PAPPA: variants seen among roughly 807,000 people sequenced by gnomAD.
The protein encoded by PAPPA is pappalysin-1.
PAPPA carries 60 observed loss-of-function variants against 164.0 expected under a neutral mutation model. The observed-to-expected ratio is 0.37, with a 90% CI of 0.30 to 0.45. The LOEUF (loss-of-function observed/expected upper bound fraction) is 0.45, where lower values mean the gene tolerates loss of function less well. Ranked by LOEUF, PAPPA falls within the 20% of genes least tolerant of loss-of-function variation. The pLI, the probability that PAPPA is intolerant of heterozygous loss-of-function variation, is 1.00. For synonymous variants in PAPPA, 875 were observed against 814.1 expected, an observed-to-expected ratio of 1.07 and a Z score of -1.27; for missense variants, 1,782 against 2,087.3, an observed-to-expected ratio of 0.85 and a Z score of 2.85.
chr9:116,309,620 G>C (rs1845690767), intron 10 of PAPPA, among the ~76,000 whole-genome samples: 1 of 152,142 alleles, frequency 6.6e-6, no homozygotes, highest in Non-Finnish European at 1.5e-5. Flanking sequence ...GGATAAGCTG[G>C]AGGACAGGAG....
At chr9:116,243,524 G>A (rs1844760431) in intron 7 of PAPPA, among the ~76,000 whole-genome samples, 1 of 152,162 alleles carries the variant, frequency 6.6e-6, no homozygotes, top group South Asian at 2.1e-4. Context: ...CCAGTTAATA[G>A]ATGCTAAAGC....
rs760086603 is a variant in PAPPA, at chr9:116,332,497, C to T, written c.3397+29C>T. 4.4e-6 allele frequency: 7 copies of T among 1,589,686 alleles called. No individual in the cohort carries two copies. The Admixed American group carries it at 5.0e-5, about 11-fold the overall frequency. On this transcript the variant is annotated intron_variant, in intron 12 of 21. Transcript: ENST00000328252. ...AGCATGCTCTCTTGGTCTTGGCTTG[C>T]TTTCAGTACCTGATTCCACCTCTGC...
chr9:116,161,948 G>A (rs544829952), intron 1 of PAPPA, among the ~76,000 whole-genome samples: 9 of 152,220 alleles, frequency 5.9e-5, no homozygotes, highest in South Asian at 4.2e-4. Flanking sequence ...TTGCAAATAC[G>A]GAGACCACCG....
chr9:116,321,283 TC>T (rs1238492503), intron 10 of PAPPA, among the ~76,000 whole-genome samples: 2 of 152,166 alleles, frequency 1.3e-5, no homozygotes, highest in African/African-American at 4.8e-5. Context: ...CGCCTCAGCC[TC>T]CCAAAGTGCT....
chr9:116,391,794 C>T (rs1302268107), intron 21 of PAPPA, among the ~76,000 whole-genome samples: 3 of 152,202 alleles, frequency 2.0e-5, no homozygotes, highest in African/African-American at 7.2e-5. Context: ...TGAGAATCCC[C>T]AAATGTAAAC....
chr9:116,381,442 A>G (rs925669216), intron 20 of PAPPA, among the ~76,000 whole-genome samples: 7 of 152,162 alleles, frequency 4.6e-5, no homozygotes, highest in African/African-American at 1.4e-4. Context: ...ACATAAACAG[A>G]CCACAGAATA....
At chr9:116,333,253 C>T (rs1237921143) in intron 12 of PAPPA, among the ~76,000 whole-genome samples, 2 of 152,214 alleles carry the variant, frequency 1.3e-5, no homozygotes, top group Non-Finnish European at 2.9e-5. Context: ...TAGAGGCTCA[C>T]TTGCTTCACA....
At position 116,188,057 on chromosome 9, in the gene PAPPA, G is replaced by A; in HGVS notation, c.1319G>A (p.Cys440Tyr). The A allele has an allele frequency of 6.2e-7, 1 of 1,614,164 alleles. No individual in the cohort carries two copies. The highest frequency in any genetic ancestry group is 8.5e-7 in the Non-Finnish European group (1 of 1,180,024). Residue 440 changes from cysteine (C) to tyrosine (Y), a missense_variant, in exon 2 of 22, where the codon TGC becomes TAC. Transcript: ENST00000328252. ...HTLTGHDGGD[C>Y]RHLRHPAFVK... The stretch of plus-strand genomic sequence containing the variant: ...CTGACGGGCCACGACGGCGGGGATT[G>A]CCGCCACCTGCGCCACCCTGCCTTC...
Position 116,220,958 on chromosome 9 carries a change from T to A in PAPPA, c.2111+829T>A, listed in dbSNP as rs188583038. Among the ~76,000 whole-genome samples the A allele has an allele frequency of 8.0e-3, 1,116 of 140,176 alleles. 18 individuals are homozygous for A. The highest frequency in any genetic ancestry group is 0.028 in the African/African-American group (1,057 of 37,550). The allele number at this position is 140,176 out of a possible 152,430, so 92.0% of individuals were successfully genotyped here. ...AATTTTTGCACCAAATGTTTTTTTTTTTTATTTTGTAGAACTAAAGGTAGC... is the reference window on the plus strand; with the variant it reads ...AATTTTTGCACCAAATGTTTTTTTTATTTATTTTGTAGAACTAAAGGTAGC... On this transcript the variant is annotated intron_variant, in intron 5 of 21. Transcript: ENST00000328252.
At chr9:116,307,076 G>A (rs1845655896) in intron 10 of PAPPA, among the ~76,000 whole-genome samples, 1 of 152,188 alleles carries the variant, frequency 6.6e-6, no homozygotes. Flanking sequence ...GGAGTGCCTT[G>A]TGATATAAGA....
At chr9:116,200,075 G>A (rs1236701779) in intron 2 of PAPPA, among the ~76,000 whole-genome samples, 2 of 152,094 alleles carry the variant, frequency 1.3e-5, no homozygotes, top group African/African-American at 4.8e-5. Flanking sequence ...ATTTGGAGGG[G>A]ACAAATATCC....
chr9:116,234,373 T>G (rs553917482), intron 6 of PAPPA, among the ~76,000 whole-genome samples: 2 of 152,192 alleles, frequency 1.3e-5, no homozygotes, highest in East Asian at 3.9e-4. Context: ...AGCTCAGTGG[T>G]ATGGAATGAC....
intron 18 of PAPPA, 70 bp from the exon 19 acceptor site, chr9:116,367,575 T>C: frequency 1.8e-6 from 2 of 1,142,190 alleles, no homozygotes; most frequent in Non-Finnish European, 2.6e-6. Flanking sequence ...GGGCCCACTC[T>C]GCAGGAGGGC....
At chr9:116,317,363 T>A (rs950596175) in intron 10 of PAPPA, among the ~76,000 whole-genome samples, 1 of 152,070 alleles carries the variant, frequency 6.6e-6, no homozygotes. Flanking sequence ...TGATTTAAAA[T>A]CAAAGGACAA....
At chr9:116,207,016 C>A (rs1844244108) in intron 2 of PAPPA, among the ~76,000 whole-genome samples, 1 of 152,232 alleles carries the variant, frequency 6.6e-6, no homozygotes, top group South Asian at 2.1e-4. Context: ...CTTTGTCTTT[C>A]ATACATGGGG....
intron 7 of PAPPA, 66 bp downstream of exon 7, chr9:116,235,703 C>G: frequency 6.6e-7 from 1 of 1,508,886 alleles, no homozygotes; most frequent in South Asian, 1.1e-5. Context: ...TGAGGTGGGT[C>G]AGAGAGGCCT....
chr9:116,358,401 T>C (rs1214278076), intron 17 of PAPPA, among the ~76,000 whole-genome samples: 2 of 152,214 alleles, frequency 1.3e-5, no homozygotes, highest in East Asian at 1.9e-4. Context: ...GTTGAAATAA[T>C]GAGCACTTAC....
chr9:116,334,617 G>C (rs1588008580), intron 12 of PAPPA, among the ~76,000 whole-genome samples: 1 of 152,164 alleles, frequency 6.6e-6, no homozygotes, highest in East Asian at 1.9e-4. Context: ...AGGGACTTTG[G>C]GCAGTAGGTG....
intron 7 of PAPPA, among the ~76,000 whole-genome samples, chr9:116,253,043 A>G (rs995862573): frequency 3.9e-5 from 6 of 152,212 alleles, no homozygotes; most frequent in Non-Finnish European, 5.9e-5. Context: ...CTGTCCTTGA[A>G]GCACTTAACA....
Sources: gnomAD v4.1 joint callset for allele counts (sites outside exome capture counted in the v4.1 genomes callset) on GRCh38, gnomAD v4.1.1 for gene constraint, MANE v1.5 for transcripts, NCBI Gene and HGNC (gene_info 2026-07-23, HGNC 2026-07-21) for gene names.